ENTREP2: variants seen among roughly 807,000 people sequenced by gnomAD.
The protein encoded by ENTREP2 is protein ENTREP2.
the ENTREP2 span, among the ~76,000 whole-genome samples, chr15:29,656,631 T>C: frequency 6.6e-6 from 1 of 152,148 alleles, no homozygotes; most frequent in South Asian, 2.1e-4. Context: ...GCCAGGGAAG[T>C]GCAAATTAAA....
the ENTREP2 span, among the ~76,000 whole-genome samples, chr15:29,345,294 C>T: frequency 1.3e-5 from 2 of 152,156 alleles, no homozygotes; most frequent in African/African-American, 2.4e-5. Context: ...TTCCTCGTGA[C>T]CCTTAGGCCT....
chr15:29,331,233 TG>T, the ENTREP2 span, among the ~76,000 whole-genome samples: 1 of 152,200 alleles, frequency 6.6e-6, no homozygotes, highest in Admixed American at 6.5e-5. Flanking sequence ...CGGCAGCAGG[TG>T]GCACGAGGAT....
chr15:29,272,134 C>G, the ENTREP2 span, among the ~76,000 whole-genome samples: 1 of 152,060 alleles, frequency 6.6e-6, no homozygotes, highest in Non-Finnish European at 1.5e-5. Context: ...AAACATCTCT[C>G]TACACTCTTT....
At chr15:29,468,654 T>C in the ENTREP2 span, among the ~76,000 whole-genome samples, 14 of 151,964 alleles carry the variant, frequency 9.2e-5, no homozygotes, top group South Asian at 2.9e-3. Flanking sequence ...AAATGAACAT[T>C]TGCAGGGTTG....
At chr15:29,377,820 CAAA>C in the ENTREP2 span, among the ~76,000 whole-genome samples, 2 of 36,136 alleles carry the variant, frequency 5.5e-5, no homozygotes, top group South Asian at 1.8e-3. Context: ...GACTCTGTCT[CAAA>C]AATAATAATA....
At chr15:29,223,051 C>A in the ENTREP2 span, among the ~76,000 whole-genome samples, 10 of 152,152 alleles carry the variant, frequency 6.6e-5, no homozygotes, top group Non-Finnish European at 1.3e-4. Context: ...AATTACTCTC[C>A]GTTGCTCAAC....
At chr15:29,422,728 G>GT in the ENTREP2 span, among the ~76,000 whole-genome samples, 29 of 152,360 alleles carry the variant, frequency 1.9e-4, no homozygotes, top group Non-Finnish European at 4.1e-4. Context: ...CCAGGGTGGA[G>GT]TGAAGGTGAC....
chr15:29,120,982 A>G, the ENTREP2 span: 2 of 152,388 alleles, frequency 1.3e-5, no homozygotes, highest in African/African-American at 4.8e-5. Context: ...GGACCCTCCT[A>G]GAGTCCATGA....
chr15:29,563,564 G>C, the ENTREP2 span, among the ~76,000 whole-genome samples: 1 of 152,162 alleles, frequency 6.6e-6, no homozygotes, highest in South Asian at 2.1e-4. Context: ...GGGAGCAGTG[G>C]CTCGTGCCTA....
At chr15:29,621,588 C>CAAAA in the ENTREP2 span, among the ~76,000 whole-genome samples, 2,703 of 58,776 alleles carry the variant, frequency 0.046, 82 homozygotes, top group East Asian at 0.12. Context: ...TGGCCACTAT[C>CAAAA]AAAAAAAAAA....
chr15:29,134,730 C>T, the ENTREP2 span, among the ~76,000 whole-genome samples: 280 of 152,308 alleles, frequency 1.8e-3, 3 homozygotes, highest in Non-Finnish European at 3.5e-3. Flanking sequence ...GAAACTGCTC[C>T]TCCACCCACA....
chr15:29,330,185 T>C, the ENTREP2 span, among the ~76,000 whole-genome samples: 1 of 151,384 alleles, frequency 6.6e-6, no homozygotes, highest in Non-Finnish European at 1.5e-5. Context: ...ATGCCTATAA[T>C]CCCAGCACTT....
chr15:29,651,208 G>C, the ENTREP2 span, among the ~76,000 whole-genome samples: 3 of 152,148 alleles, frequency 2.0e-5, no homozygotes, highest in African/African-American at 7.2e-5. Flanking sequence ...GCTTGCTTCA[G>C]GCAGACCTAG....
chr15:29,154,646 G>A, the ENTREP2 span, among the ~76,000 whole-genome samples: 1 of 152,176 alleles, frequency 6.6e-6, no homozygotes, highest in African/African-American at 2.4e-5. Context: ...AAGAGGAGAC[G>A]GGGAATGCCA....
the ENTREP2 span, among the ~76,000 whole-genome samples, chr15:29,257,978 G>A: frequency 6.6e-6 from 1 of 152,096 alleles, no homozygotes. Context: ...TTGGGAGGCT[G>A]AGGCGGGTGA....
At chr15:29,150,045 T>C in the ENTREP2 span, among the ~76,000 whole-genome samples, 1 of 152,196 alleles carries the variant, frequency 6.6e-6, no homozygotes, top group African/African-American at 2.4e-5. Flanking sequence ...TCTGCAGACA[T>C]TGCTGCGACG....
the ENTREP2 span, among the ~76,000 whole-genome samples, chr15:29,405,645 C>T: frequency 1.3e-5 from 2 of 152,232 alleles, no homozygotes; most frequent in Non-Finnish European, 1.5e-5. Context: ...CAGCACCCCA[C>T]AGTGCCGCTC....
chr15:29,236,967 A>C, the ENTREP2 span, among the ~76,000 whole-genome samples: 24 of 152,222 alleles, frequency 1.6e-4, no homozygotes, highest in African/African-American at 5.5e-4. Context: ...CTTAGAGCAA[A>C]AAATCCACAA....
At chr15:29,479,584 G>C in the ENTREP2 span, among the ~76,000 whole-genome samples, 1 of 151,780 alleles carries the variant, frequency 6.6e-6, no homozygotes, top group Non-Finnish European at 1.5e-5. Context: ...GGGCTACTGT[G>C]AATAGCTTTG....
Sources: gnomAD v4.1 joint callset for allele counts (sites outside exome capture counted in the v4.1 genomes callset) on GRCh38, gnomAD v4.1.1 for gene constraint, MANE v1.5 for transcripts, NCBI Gene and HGNC (gene_info 2026-07-23, HGNC 2026-07-21) for gene names.